MDGA2: variants seen among roughly 807,000 people sequenced by gnomAD.
MDGA2 encodes MAM domain-containing glycosylphosphatidylinositol anchor protein 2.
A neutral mutation model predicts 117.8 loss-of-function variants in MDGA2; 40 were observed. The ratio of observed to expected loss-of-function variants is 0.34; its 90% CI spans 0.26 to 0.44. The LOEUF (loss-of-function observed/expected upper bound fraction) is 0.44, where lower values mean the gene tolerates loss of function less well. Ranked by LOEUF, MDGA2 falls within the 20% of genes least tolerant of loss-of-function variation. MDGA2 has a pLI of 1.00. For missense variants in MDGA2, 1,123 were observed against 1,250.6 expected, an observed-to-expected ratio of 0.90 and a Z score of 1.54; for synonymous variants, 452 against 439.0, an observed-to-expected ratio of 1.03 and a Z score of -0.37.
chr14:47,249,702 T>A (rs532971438), intron 2 of MDGA2, among the ~76,000 whole-genome samples: 3 of 152,328 alleles, frequency 2.0e-5, no homozygotes, highest in African/African-American at 7.2e-5. Context: ...AGAGTAACTT[T>A]AGGCTACATT....
At chr14:46,882,753 T>TA (rs1882514065) in intron 10 of MDGA2, among the ~76,000 whole-genome samples, 1 of 151,188 alleles carries the variant, frequency 6.6e-6, no homozygotes, top group African/African-American at 2.4e-5. Context: ...TAGAGAAAAA[T>TA]AAAAAATCAC....
At chr14:47,651,566 T>C (rs1897645377) in intron 1 of MDGA2, among the ~76,000 whole-genome samples, 3 of 152,132 alleles carry the variant, frequency 2.0e-5, no homozygotes, top group Middle Eastern at 3.4e-3. Flanking sequence ...AGAAGAGTGA[T>C]GTAATCTGCT....
chr14:47,496,318 C>T (rs1198768547), intron 1 of MDGA2, among the ~76,000 whole-genome samples: 3 of 152,104 alleles, frequency 2.0e-5, no homozygotes, highest in Non-Finnish European at 4.4e-5. Flanking sequence ...TCATGGTTCA[C>T]TATAATGTCT....
rs930173331 is a variant in MDGA2, at chr14:47,675,476, G to GCCGCCA, written c.-686_-681dup. On this transcript the variant is annotated 5_prime_UTR_variant, in exon 1 of 17. Transcript: ENST00000399232. ...GAGCTCGCTTGGGCACACCAGCCCAGCCGCCACCGCCACCGCTCTCCAAAA... is the reference window on the plus strand; with the variant it reads ...GAGCTCGCTTGGGCACACCAGCCCAGCCGCCACCGCCACCGCCACCGCTCTCCAAAA... Among the ~76,000 whole-genome samples the GCCGCCA allele has an allele frequency of 4.6e-5, 7 of 152,188 alleles. No homozygotes were observed. The highest frequency in any genetic ancestry group is 7.4e-5 in the Non-Finnish European group (5 of 67,992).
intron 6 of MDGA2, among the ~76,000 whole-genome samples, chr14:47,072,110 G>GT (rs1555349481): frequency 7.7e-6 from 1 of 130,378 alleles, no homozygotes; most frequent in Non-Finnish European, 1.6e-5. Flanking sequence ...TTGGGGGGGG[G>GT]GGGGTTTGCA....
chr14:47,128,435 A>G (rs1882015824), intron 5 of MDGA2, among the ~76,000 whole-genome samples: 1 of 151,900 alleles, frequency 6.6e-6, no homozygotes. Context: ...CCATACTTTC[A>G]TTTTATTTTT....
Position 47,203,886 on chromosome 14 carries a change from T to G in MDGA2, c.595+14135A>C, listed in dbSNP as rs1885594295. ...AGGAAACTTATCTAAAAATACTTCC[T>G]GAGGATACACTCTAATTGCAACAGA... On this transcript the variant is annotated intron_variant, in intron 3 of 16. Coordinates refer to ENST00000399232, the MANE Select transcript of MDGA2 (RefSeq NM_001113498.3). Among the ~76,000 whole-genome samples the G allele has an allele frequency of 2.0e-5, 3 of 151,974 alleles. No individual in the cohort carries two copies. In the South Asian group the frequency reaches 6.2e-4, roughly 32 times the overall value.
chr14:47,308,992 A>G (rs1889549030), intron 1 of MDGA2, among the ~76,000 whole-genome samples: 1 of 152,108 alleles, frequency 6.6e-6, no homozygotes, highest in Admixed American at 6.6e-5. Flanking sequence ...CTTGTCCTAT[A>G]CTATAACACA....
At chr14:47,295,470 C>T (rs1368669648) in intron 2 of MDGA2, among the ~76,000 whole-genome samples, 3 of 152,038 alleles carry the variant, frequency 2.0e-5, no homozygotes, top group Non-Finnish European at 1.5e-5. Flanking sequence ...AGCAATGTAA[C>T]TAAAATCTCA....
At chr14:46,954,194 A>G (rs1385847485) in intron 9 of MDGA2, among the ~76,000 whole-genome samples, 1 of 151,896 alleles carries the variant, frequency 6.6e-6, no homozygotes, top group Admixed American at 6.6e-5. Context: ...TAGGTGGCAA[A>G]AGCAACCCCT....
chr14:47,341,344 G>A lies in MDGA2; in HGVS notation c.281-39794C>T, dbSNP rs556692848. 3.9e-5 allele frequency among the ~76,000 whole-genome samples: 6 copies of A among 152,270 alleles called. No homozygotes were observed. In the East Asian group the frequency reaches 1.2e-3, roughly 29 times the overall value. On this transcript the variant is annotated intron_variant, in intron 1 of 16. Transcript: ENST00000399232. Reference sequence around the variant, plus strand: ...GCAATGGTATGTGGCCAAATAAGCTGATTTTACACATGTCATAGAGTGAAG... The same window carrying A: ...GCAATGGTATGTGGCCAAATAAGCTAATTTTACACATGTCATAGAGTGAAG...
At chr14:47,277,225 T>C (rs1773874591) in intron 2 of MDGA2, among the ~76,000 whole-genome samples, 1 of 152,178 alleles carries the variant, frequency 6.6e-6, no homozygotes, top group South Asian at 2.1e-4. Context: ...TTAACAAATC[T>C]CTTTCATGTT....
chr14:46,983,025 G>T (rs1886740999), intron 8 of MDGA2, among the ~76,000 whole-genome samples: 3 of 152,046 alleles, frequency 2.0e-5, no homozygotes, highest in East Asian at 1.9e-4. Context: ...AAGGGTTGTT[G>T]AATTTTGTCA....
chr14:47,058,897 T>G (rs1889778371), intron 7 of MDGA2: 7 of 981,864 alleles, frequency 7.1e-6, no homozygotes, highest in Non-Finnish European at 8.5e-6. Flanking sequence ...CAAATTTGCT[T>G]TAATGCTTTG....
intron 1 of MDGA2, among the ~76,000 whole-genome samples, chr14:47,335,041 C>T (rs1003918210): frequency 1.3e-5 from 2 of 151,776 alleles, no homozygotes; most frequent in Non-Finnish European, 2.9e-5. Context: ...ATCCATGAAC[C>T]AACAGCATGC....
At chr14:46,979,450 G>A (rs1886586478) in intron 8 of MDGA2, among the ~76,000 whole-genome samples, 1 of 152,026 alleles carries the variant, frequency 6.6e-6, no homozygotes, top group Admixed American at 6.6e-5. Context: ...AACTTACTAA[G>A]GAAATCATAT....
At chr14:47,531,635 T>TCA (rs10635669) in intron 1 of MDGA2, among the ~76,000 whole-genome samples, 7,081 of 152,268 alleles carry the variant, frequency 0.047, 559 homozygotes, top group African/African-American at 0.16. Context: ...TTCACTGTTG[T>TCA]CATTCTATAG....
intron 8 of MDGA2, among the ~76,000 whole-genome samples, chr14:47,030,066 T>C (rs946052551): frequency 2.0e-4 from 30 of 151,932 alleles, no homozygotes; most frequent in Non-Finnish European, 2.9e-5. Context: ...GACCTCGTGA[T>C]CCACCCACCT....
At chr14:47,487,036 G>C (rs1029821027) in intron 1 of MDGA2, among the ~76,000 whole-genome samples, 8 of 152,140 alleles carry the variant, frequency 5.3e-5, no homozygotes, top group Non-Finnish European at 8.8e-5. Flanking sequence ...CACAGTATCA[G>C]AAACACAAAA....
Sources: gnomAD v4.1 joint callset for allele counts (sites outside exome capture counted in the v4.1 genomes callset) on GRCh38, gnomAD v4.1.1 for gene constraint, MANE v1.5 for transcripts, NCBI Gene and HGNC (gene_info 2026-07-23, HGNC 2026-07-21) for gene names.